Variants in GRID2 observed in about 807,000 individuals in gnomAD.
GRID2 encodes glutamate receptor ionotropic, delta-2.
Under a neutral mutation model 114.8 loss-of-function variants are expected in GRID2, and 33 were observed. The ratio of observed to expected loss-of-function variants is 0.29; its 90% CI spans 0.22 to 0.38. The LOEUF is 0.38. Ranked by LOEUF, GRID2 falls within the 10% of genes least tolerant of loss-of-function variation. GRID2 has a pLI of 1.00. For missense variants in GRID2, 1,184 were observed against 1,257.7 expected (o/e 0.94, Z 0.89); for synonymous variants, 505 against 449.9 (o/e 1.12, Z -1.55).
At chr4:92,518,694 C>T (rs1724626178) in intron 1 of GRID2, among the ~76,000 whole-genome samples, 4 of 151,532 alleles carry the variant, frequency 2.6e-5, no homozygotes, top group Admixed American at 2.6e-4. Context: ...TGTAATTTAC[C>T]ACAGTTAAAA....
chr4:93,021,772 T>G (rs1216046013), intron 2 of GRID2, among the ~76,000 whole-genome samples: 2 of 146,092 alleles, frequency 1.4e-5, no homozygotes, highest in African/African-American at 4.9e-5. Flanking sequence ...TATTATAATA[T>G]TTACAATATG....
intron 1 of GRID2, among the ~76,000 whole-genome samples, chr4:92,333,039 A>T (rs886794988): frequency 6.6e-6 from 1 of 152,152 alleles, no homozygotes; most frequent in African/African-American, 2.4e-5. Flanking sequence ...CCTGCCTCCC[A>T]TGGCTCCACT....
intron 2 of GRID2, among the ~76,000 whole-genome samples, chr4:92,804,186 C>T (rs763444671): frequency 9.9e-5 from 15 of 152,020 alleles, no homozygotes; most frequent in South Asian, 2.1e-4. Flanking sequence ...CTTCCAAGAT[C>T]TTCTTTGCAA....
chr4:93,098,228 T>A (rs1731396815), intron 3 of GRID2, among the ~76,000 whole-genome samples: 1 of 151,922 alleles, frequency 6.6e-6, no homozygotes, highest in Admixed American at 6.6e-5. Flanking sequence ...CTTCATTGTG[T>A]TAATGATATT....
chr4:92,598,555 T>C (rs1729058886), intron 2 of GRID2, among the ~76,000 whole-genome samples: 2 of 152,164 alleles, frequency 1.3e-5, no homozygotes, highest in Non-Finnish European at 1.5e-5. Flanking sequence ...ATTAAGTTCA[T>C]AGCCCATGGA....
intron 12 of GRID2, among the ~76,000 whole-genome samples, chr4:93,506,953 T>TCCTGAATTAC (rs1194450666): frequency 6.6e-6 from 1 of 152,178 alleles, no homozygotes. Context: ...TCTGGGTTCC[T>TCCTGAATTAC]CCTGAATTAC....
chr4:93,164,737 T>C (rs1296291608), intron 4 of GRID2: 2 of 440,822 alleles, frequency 4.5e-6, no homozygotes, highest in East Asian at 1.4e-4. Context: ...TTTTCAGATG[T>C]CGTTTTAGAA....
At chr4:93,353,448 T>C (rs1239833283) in intron 8 of GRID2, among the ~76,000 whole-genome samples, 1 of 151,554 alleles carries the variant, frequency 6.6e-6, no homozygotes, top group African/African-American at 2.4e-5. Flanking sequence ...CAGATAACAA[T>C]AAAATGAAAA....
rs1017855671 is a variant in GRID2 at position 92,721,608 on chromosome 4, G to C, written c.244+131322G>C. Among the ~76,000 whole-genome samples the C allele has an allele frequency of 2.6e-5, 4 of 152,026 alleles. No homozygotes were observed. The East Asian group carries it at 7.7e-4, about 29-fold the overall frequency. ...AAACCATCTAAATCAACTATATAAG[G>C]AGTAGACAGAATTATAGCATTAAAA... is the stretch of plus-strand genomic sequence containing the variant. On this transcript the variant is annotated intron_variant, in intron 2 of 15. Transcript: ENST00000282020.
At chr4:92,550,341 G>A (rs1161879111) in intron 1 of GRID2, among the ~76,000 whole-genome samples, 2 of 152,032 alleles carry the variant, frequency 1.3e-5, no homozygotes, top group Non-Finnish European at 2.9e-5. Context: ...GGAAAATGTT[G>A]TAATACATAT....
chr4:93,286,341 C>A (rs1469184429), intron 8 of GRID2, among the ~76,000 whole-genome samples: 2 of 152,054 alleles, frequency 1.3e-5, no homozygotes, highest in African/African-American at 4.8e-5. Flanking sequence ...AAATCTATAC[C>A]AATGATTGGC....
At chr4:92,553,077 C>A (rs990146299) in intron 1 of GRID2, among the ~76,000 whole-genome samples, 1 of 152,094 alleles carries the variant, frequency 6.6e-6, no homozygotes, top group Non-Finnish European at 1.5e-5. Flanking sequence ...AGTCATTCTT[C>A]TTTTTGGTGG....
chr4:93,146,482 A>T (rs1000918127), intron 4 of GRID2, among the ~76,000 whole-genome samples: 2 of 152,126 alleles, frequency 1.3e-5, no homozygotes, highest in African/African-American at 4.8e-5. Context: ...TTCATGTGTG[A>T]TCTTCTTAAA....
rs549607414 is a variant in GRID2, at chr4:93,362,702, G to C, written c.1246-32905G>C. Among the ~76,000 whole-genome samples, 9 of 152,170 alleles carry C rather than the reference G, an allele frequency of 5.9e-5. No individual in the cohort carries two copies. In the East Asian group the frequency reaches 1.8e-3, roughly 30 times the overall value. On this transcript the variant is annotated intron_variant, in intron 8 of 15. Coordinates refer to ENST00000282020, the MANE Select transcript of GRID2 (RefSeq NM_001510.4). Reference sequence around the variant, plus strand: ...TCTTCTCAGGCCTGCACCACTGAGAGAAGTTTTCTCTGATCTTTCATTCTG... The same window carrying C: ...TCTTCTCAGGCCTGCACCACTGAGACAAGTTTTCTCTGATCTTTCATTCTG...
At chr4:93,705,533 C>T (rs562260179) in intron 14 of GRID2, among the ~76,000 whole-genome samples, 24 of 151,714 alleles carry the variant, frequency 1.6e-4, no homozygotes, top group African/African-American at 5.8e-4. Flanking sequence ...TCTGATTAAT[C>T]GATATTTTCC....
At chr4:93,729,668 C>A (rs1253211953) in intron 14 of GRID2, among the ~76,000 whole-genome samples, 2 of 152,064 alleles carry the variant, frequency 1.3e-5, no homozygotes, top group African/African-American at 4.8e-5. Context: ...CCCTCAGCCT[C>A]CCGAGTAGCT....
intron 8 of GRID2, among the ~76,000 whole-genome samples, chr4:93,389,781 T>TTTTTTTTTTTC (rs1240011294): frequency 1.4e-5 from 2 of 144,698 alleles, no homozygotes; most frequent in Admixed American, 6.9e-5. Context: ...TTGAAGCAAG[T>TTTTTTTTTTTC]TTTTTTTTTT....
chr4:93,033,273 A>G (rs1425879676), intron 2 of GRID2, among the ~76,000 whole-genome samples: 1 of 152,140 alleles, frequency 6.6e-6, no homozygotes, highest in Non-Finnish European at 1.5e-5. Context: ...GACTCACAGA[A>G]CTCATTGAGA....
rs192334413 is a variant in GRID2 at position 92,943,638 on chromosome 4, G to A, written c.245-141357G>A. 1.1e-4 allele frequency among the ~76,000 whole-genome samples: 17 copies of A among 152,272 alleles called. No homozygotes were observed. In the East Asian group the frequency reaches 3.3e-3, roughly 29 times the overall value. On this transcript the variant is annotated intron_variant, in intron 2 of 15. Transcript: ENST00000282020. ...TGCTGGTGAGGAGCTGCATTCCTTTGGAGGAGGAGAGGTGCTCTGACTTTC... is the reference window on the plus strand; with the variant it reads ...TGCTGGTGAGGAGCTGCATTCCTTTAGAGGAGGAGAGGTGCTCTGACTTTC...
Sources: gnomAD v4.1 joint callset for allele counts (sites outside exome capture counted in the v4.1 genomes callset) on GRCh38, gnomAD v4.1.1 for gene constraint, MANE v1.5 for transcripts, NCBI Gene and HGNC (gene_info 2026-07-23, HGNC 2026-07-21) for gene names.